The following RTN2 variants were observed in gnomAD, a reference collection of about 807,000 sequenced individuals.
RTN2 encodes the protein reticulon 2.
RTN2 carries 36 observed loss-of-function variants against 63.7 expected under a neutral mutation model. That is an observed-to-expected ratio of 0.56 (90% CI 0.43 to 0.75). The LOEUF (loss-of-function observed/expected upper bound fraction) is 0.75, where lower values mean the gene tolerates loss of function less well. Ranked by LOEUF, RTN2 falls within the 30% of genes least tolerant of loss-of-function variation. The pLI is 0.00. For synonymous variants in RTN2, 312 were observed against 313.0 expected, an observed-to-expected ratio of 1.00 and a Z score of 0.03; for missense variants, 673 against 705.1, an observed-to-expected ratio of 0.95 and a Z score of 0.52.
At chr19:45,486,998 G>C (rs781775481) in intron 9 of RTN2, among the ~76,000 whole-genome samples, 2 of 134,178 alleles carry the variant, frequency 1.5e-5, no homozygotes, top group Non-Finnish European at 3.1e-5. Context: ...GCCTCCCAAA[G>C]CTGGGATCAC....
At position 45,494,016 on chromosome 19, in the gene RTN2, TTATCACGTCTAGCCAGATGTGA is replaced by T; in HGVS notation, c.814+128_814+149del. 2 of 1,280,054 alleles carry T rather than the reference TTATCACGTCTAGCCAGATGTGA, an allele frequency of 1.6e-6. No individual in the cohort carries two copies. The highest frequency in any genetic ancestry group is 2.1e-6 in the Non-Finnish European group (2 of 935,936). The allele number at this position is 1,280,054 out of a possible 1,614,324, so 79.3% of individuals were successfully genotyped here. On this transcript the variant is annotated intron_variant, in intron 4 of 10. Transcript: ENST00000245923. This position sits in a 1 kb window ranked among gnomAD's most constrained non-coding sequence, Gnocchi z 5.3. ...GGGAAATTTTTTTAAAAAGCGGAGT[TTATCACGTCTAGCCAGATGTGA>T]TATCACGTCTATCTCTTCCCTTTTC...
rs200256343 is a variant in RTN2, at chr19:45,488,427, C to T, written c.1497+44G>A. ...GTTCTGGAAGGAGATGGTCAGACCC[C>T]CATGTTTAGCTGGGGTGCTGACAAC... On this transcript the variant is annotated intron_variant, in intron 9 of 10. Coordinates refer to ENST00000245923, the MANE Select transcript of RTN2 (RefSeq NM_005619.5). The T allele has an allele frequency of 5.0e-6, 8 of 1,600,064 alleles. No individual in the cohort carries two copies. In the East Asian group the frequency reaches 1.8e-4, roughly 36 times the overall value.
Position 45,485,388 on chromosome 19 carries a change from G to A in RTN2, c.*320C>T, listed in dbSNP as rs1053899308. ...CGGCGTTGGGGCTAGTAGCATCCAG[G>A]AGACACCAACGCCTCACGGCGCCTC... On this transcript the variant is annotated 3_prime_UTR_variant, in exon 11 of 11. Coordinates refer to ENST00000245923, the MANE Select transcript of RTN2 (RefSeq NM_005619.5). 2 of 387,344 alleles carry A rather than the reference G, an allele frequency of 5.2e-6. No individual in the cohort carries two copies. Among genetic ancestry groups the A allele is most frequent in the East Asian group, 4.7e-5 (1 of 21,176 alleles). The allele number at this position is 387,344 out of a possible 1,614,324, so 24.0% of individuals were successfully genotyped here.
chr19:45,494,622 C>T lies in RTN2; in HGVS notation c.463G>A (p.Gly155Arg). Residue 155 changes from glycine to arginine, a missense_variant, in exon 3 of 11, where the codon GGA becomes AGA. Coordinates refer to ENST00000245923, the MANE Select transcript of RTN2 (RefSeq NM_005619.5). This position sits in a 1 kb window ranked among gnomAD's most constrained non-coding sequence, Gnocchi z 5.3. ...CTGGTGGAAGAGTCCTCCCCGGATC[C>T]CGTTCCCCGGGCCACCCAGCCCAGA... ...DHLGWVARGT[G>R]SGEDSSTSSS... The T allele has an allele frequency of 6.2e-7, 1 of 1,614,006 alleles. No individual in the cohort carries two copies. Among genetic ancestry groups the T allele is most frequent in the Non-Finnish European group, 8.5e-7 (1 of 1,180,030 alleles).
intron 5 of RTN2, among the ~76,000 whole-genome samples, chr19:45,490,617 C>T (rs1199895310): frequency 6.6e-6 from 1 of 151,280 alleles, no homozygotes; most frequent in Admixed American, 6.6e-5. Context: ...CGCTCTATTG[C>T]CTAGGCTGGA....
chr19:45,489,676 CTTTTT>C (rs200770145), intron 5 of RTN2, 123 bp from the exon 6 acceptor site: 573 of 500,910 alleles, frequency 1.1e-3, no homozygotes, highest in East Asian at 2.6e-3. Flanking sequence ...ACCTGATTTC[CTTTTT>C]TTTTTTTTTT....
chr19:45,489,604 C>T lies in RTN2; in HGVS notation c.1034-51G>A, dbSNP rs568348848. The T allele has an allele frequency of 2.8e-5, 37 of 1,327,784 alleles. No homozygotes were observed. The South Asian group carries it at 3.0e-4, about 11-fold the overall frequency. The allele number at this position is 1,327,784 out of a possible 1,614,324, so 82.3% of individuals were successfully genotyped here. ...GCTTGTACCTGACCTGGCTGGTCTC[C>T]TCACCTCCCTTTCCCTGTCCTACAG... On this transcript the variant is annotated intron_variant, in intron 5 of 10. Coordinates refer to ENST00000245923, the MANE Select transcript of RTN2 (RefSeq NM_005619.5).
Position 45,488,713 on chromosome 19 carries a change from G to A in RTN2, c.1381-7C>T. ...TGTAGAAGAGGAGGGCCAGCTGGGG[G>A]TGAAGGTCAGGGTCAGCAGAGCCCA... On this transcript the variant is annotated splice_region_variant and splice_polypyrimidine_tract_variant and intron_variant, in intron 7 of 10. Transcript: ENST00000245923. The A allele has an allele frequency of 1.2e-6, 2 of 1,613,238 alleles. No individual in the cohort carries two copies. The highest frequency in any genetic ancestry group is 1.1e-5 in the South Asian group (1 of 90,914).
At chr19:45,489,679 T>A in intron 5 of RTN2, 126 bp from the exon 6 acceptor site, 2 of 405,594 alleles carry the variant, frequency 4.9e-6, no homozygotes, top group Admixed American at 4.2e-5. Flanking sequence ...TGATTTCCTT[T>A]TTTTTTTTTT....
rs1177359314 is a variant in RTN2, at chr19:45,488,993, G to C, written c.1242-7C>G. ...GTCCACATCCAGGTAGGCCCTGCGG[G>C]GACAAAGGAGTGTGGGGCGACTCAG... On this transcript the variant is annotated splice_region_variant and splice_polypyrimidine_tract_variant and intron_variant, in intron 6 of 10. Transcript: ENST00000245923. 3.1e-6 allele frequency: 5 copies of C among 1,610,010 alleles called. 1 individual carries two copies. The South Asian group carries it at 5.5e-5, about 18-fold the overall frequency.
intron 8 of RTN2, 41 bp downstream of exon 8, chr19:45,488,596 C>A: frequency 1.2e-6 from 2 of 1,613,666 alleles, no homozygotes; most frequent in Non-Finnish European, 1.7e-6. Context: ...CCCCACCAGA[C>A]TCCAAGTCCC....
chr19:45,491,170 G>A (rs558255605), intron 5 of RTN2, among the ~76,000 whole-genome samples: 11 of 151,358 alleles, frequency 7.3e-5, no homozygotes, highest in African/African-American at 1.5e-4. Flanking sequence ...GATTACAGGC[G>A]TGAGCCACCA....
intron 8 of RTN2, 22 bp from the exon 9 acceptor site, chr19:45,488,539 C>T (rs113194132): frequency 7.4e-6 from 12 of 1,613,628 alleles, no homozygotes; most frequent in African/African-American, 4.0e-5. Context: ...GAGATGGGGG[C>T]GTCAGGGTGT....
At chr19:45,488,577 A>G (rs1429157029) in intron 8 of RTN2, 60 bp from the exon 9 acceptor site, 2 of 1,612,926 alleles carry the variant, frequency 1.2e-6, no homozygotes, top group Non-Finnish European at 1.7e-6. Flanking sequence ...TTCCATCTGG[A>G]GCCCTGTCCC....
chr19:45,487,150 C>T (rs1300902104), intron 9 of RTN2, among the ~76,000 whole-genome samples: 1 of 146,352 alleles, frequency 6.8e-6, no homozygotes, highest in African/African-American at 2.5e-5. Flanking sequence ...TTCAACTCAT[C>T]CTCTTGCTTC....
chr19:45,495,375 A>ATTCG (rs1187335155), intron 1 of RTN2, among the ~76,000 whole-genome samples: 2 of 152,204 alleles, frequency 1.3e-5, no homozygotes, highest in African/African-American at 4.8e-5. Flanking sequence ...CAATTCATTC[A>ATTCG]TTCGTTCAAC....
intron 5 of RTN2, among the ~76,000 whole-genome samples, chr19:45,490,535 C>CTGTGTGTGTG (rs56279132): frequency 0.016 from 2,337 of 145,840 alleles, 59 homozygotes; most frequent in East Asian, 0.084. Flanking sequence ...GGTTGTGTGT[C>CTGTGTGTGTG]TGTGTGTGTG....
intron 4 of RTN2, 196 bp downstream of exon 4, chr19:45,493,970 A>G (rs989036458): frequency 2.4e-4 from 189 of 798,480 alleles, no homozygotes; most frequent in Admixed American, 2.6e-4. Context: ...GATTACAGGC[A>G]TGAGCCACCG....
chr19:45,485,439 T>C lies in RTN2; in HGVS notation c.*269A>G. 2.0e-6 allele frequency: 1 copy of C among 489,622 alleles called. No homozygotes were observed. The highest frequency in any genetic ancestry group is 3.7e-6 in the Non-Finnish European group (1 of 269,952). The allele number at this position is 489,622 out of a possible 1,614,324, so 30.3% of individuals were successfully genotyped here. A position where few individuals can be genotyped will look rare whatever the true frequency, so the allele number is the denominator to read the frequency against. ...CAGCGGCGGGTCCGGAAGTGCAGGG[T>C]GGTGCCCTGTCTAGGCAACTACAAG... is the stretch of plus-strand genomic sequence containing the variant. On this transcript the variant is annotated 3_prime_UTR_variant, in exon 11 of 11. Coordinates refer to ENST00000245923, the MANE Select transcript of RTN2 (RefSeq NM_005619.5).
Sources: gnomAD v4.1 joint callset for allele counts (sites outside exome capture counted in the v4.1 genomes callset) on GRCh38, gnomAD v4.1.1 for gene constraint, Gnocchi (gnomAD v3.1) non-coding constraint, MANE v1.5 for transcripts, NCBI Gene and HGNC (gene_info 2026-07-23, HGNC 2026-07-21) for gene names.